Variants in EFHC2 observed in about 807,000 individuals in gnomAD.
EFHC2 encodes the protein EF-hand domain containing 2.
In EFHC2, 18 loss-of-function variants were observed where a neutral mutation model predicts 52.7. The observed-to-expected ratio is 0.34, with a 90% CI of 0.24 to 0.51. EFHC2 has a LOEUF of 0.51. Among genes scored for constraint, EFHC2 ranks in the 20% least tolerant of loss-of-function variants. The probability of loss-of-function intolerance (pLI) is 0.97; values close to 1 mark genes in which losing one functional copy is unlikely to be tolerated. For missense variants in EFHC2, 513 were observed against 562.5 expected, an observed-to-expected ratio of 0.91 and a Z score of 0.89; for synonymous variants, 203 against 204.1, an observed-to-expected ratio of 0.99 and a Z score of 0.04.
At chrX:44,183,934 A>G (rs1394042788) in intron 11 of EFHC2, among the ~76,000 whole-genome samples, 1 of 112,519 alleles carries the variant, frequency 8.9e-6, no homozygotes, top group African/African-American at 3.2e-5. Context: ...TTCTAGTCCC[A>G]CTAATTCACC....
intron 8 of EFHC2, among the ~76,000 whole-genome samples, chrX:44,238,413 C>T (rs1569290985): frequency 9.0e-6 from 1 of 111,658 alleles, no homozygotes; most frequent in Non-Finnish European, 1.9e-5. Context: ...AGTCTGCCCT[C>T]AACACTACAC....
chrX:44,198,631 G>C (rs1224229933), intron 11 of EFHC2, among the ~76,000 whole-genome samples: 6 of 111,355 alleles, frequency 5.4e-5, no homozygotes, highest in Non-Finnish European at 1.1e-4. Context: ...CCAACGCGAA[G>C]AGGTAGCTGA....
At chrX:44,332,238 G>C (rs1315119920) in intron 1 of EFHC2, among the ~76,000 whole-genome samples, 2 of 111,275 alleles carry the variant, frequency 1.8e-5, no homozygotes, top group Non-Finnish European at 3.8e-5. Flanking sequence ...GAATTTAACA[G>C]AACAGTATGT....
chrX:44,319,869 G>A (rs1256124149), intron 1 of EFHC2, among the ~76,000 whole-genome samples: 2 of 112,194 alleles, frequency 1.8e-5, no homozygotes, highest in African/African-American at 6.5e-5. Context: ...AAGTTTCACA[G>A]CCTCTGACCC....
At chrX:44,306,145 A>G (rs1001945955) in intron 2 of EFHC2, among the ~76,000 whole-genome samples, 1 of 110,972 alleles carries the variant, frequency 9.0e-6, no homozygotes, top group African/African-American at 3.3e-5. Flanking sequence ...ATCAGATCAC[A>G]CCTCATTACA....
At chrX:44,237,017 T>A (rs1381482553) in intron 8 of EFHC2, among the ~76,000 whole-genome samples, 1 of 111,193 alleles carries the variant, frequency 9.0e-6, no homozygotes, top group East Asian at 2.8e-4. Context: ...TATGCCTTTT[T>A]TTTTTCACCT....
intron 4 of EFHC2, among the ~76,000 whole-genome samples, chrX:44,255,805 A>T (rs2037487136): frequency 8.9e-6 from 1 of 111,885 alleles, no homozygotes; most frequent in Non-Finnish European, 1.9e-5. Context: ...CTCCACCCCA[A>T]ATCAACAGAG....
intron 11 of EFHC2, among the ~76,000 whole-genome samples, chrX:44,185,772 T>C (rs2036869602): frequency 9.0e-6 from 1 of 111,349 alleles, no homozygotes; most frequent in Admixed American, 9.6e-5. Flanking sequence ...GCTCAAGTGA[T>C]CCTCTCACTT....
chrX:44,214,272 A>G (rs2037125723), intron 11 of EFHC2, among the ~76,000 whole-genome samples: 1 of 112,327 alleles, frequency 8.9e-6, no homozygotes, highest in Non-Finnish European at 1.9e-5. Context: ...CGAAAACAAA[A>G]CAAACCAAAA....
At chrX:44,309,472 C>T (rs2037929262) in intron 2 of EFHC2, 2 of 1,202,073 alleles carry the variant, frequency 1.7e-6, no homozygotes, top group Non-Finnish European at 2.3e-6. Context: ...CTTGCTAAAA[C>T]CCAGTTCCAG....
At chrX:44,255,520 A>G (rs1457165915) in intron 4 of EFHC2, among the ~76,000 whole-genome samples, 1 of 111,889 alleles carries the variant, frequency 8.9e-6, no homozygotes, top group African/African-American at 3.3e-5. Context: ...ATCAAAAAAG[A>G]CAAAGAAGGG....
chrX:44,320,326 C>G (rs146502384), intron 1 of EFHC2, among the ~76,000 whole-genome samples: 11,649 of 111,379 alleles, frequency 0.1, 517 homozygotes, highest in Admixed American at 0.19. Context: ...ATGTGACCCT[C>G]AGGACCTGTG....
chrX:44,281,871 A>G (rs1159021244), intron 2 of EFHC2, among the ~76,000 whole-genome samples: 1 of 111,933 alleles, frequency 8.9e-6, no homozygotes, highest in African/African-American at 3.2e-5. Context: ...TCACTCTAAG[A>G]AACTGTCAGA....
chrX:44,183,608 A>G (rs983746838), intron 11 of EFHC2, among the ~76,000 whole-genome samples: 1 of 112,129 alleles, frequency 8.9e-6, no homozygotes, highest in African/African-American at 3.2e-5. Flanking sequence ...AGGCCTAACT[A>G]GAGTTTAATG....
chrX:44,179,649 G>T (rs1335680325), intron 11 of EFHC2, among the ~76,000 whole-genome samples: 3 of 111,637 alleles, frequency 2.7e-5, no homozygotes, highest in Admixed American at 1.9e-4. Context: ...GTTTAAATTT[G>T]GTTTTGCTTT....
At chrX:44,167,995 A>C (rs1335232726) in intron 13 of EFHC2, among the ~76,000 whole-genome samples, 3 of 111,860 alleles carry the variant, frequency 2.7e-5, no homozygotes, top group Non-Finnish European at 1.9e-5. Flanking sequence ...AAAAAAGACC[A>C]CGGTAGAGAA....
chrX:44,309,639 C>G, intron 2 of EFHC2: 1 of 1,140,306 alleles, frequency 8.8e-7, no homozygotes, highest in Non-Finnish European at 1.2e-6. Flanking sequence ...GTTTGTGTAC[C>G]AGGTGTTTGA....
intron 1 of EFHC2, among the ~76,000 whole-genome samples, chrX:44,332,754 G>A (rs1341133061): frequency 9.0e-6 from 1 of 111,059 alleles, no homozygotes; most frequent in Non-Finnish European, 1.9e-5. Context: ...CAATAAGAGA[G>A]AGAAAACTAT....
At chrX:44,248,478 G>A (rs2037417184) in intron 6 of EFHC2, 68 bp from the exon 7 acceptor site, 2 of 1,070,452 alleles carry the variant, frequency 1.9e-6, no homozygotes, top group Admixed American at 3.4e-5. Flanking sequence ...CCCCTTCCCA[G>A]AGAAAAAAAG....
Sources: gnomAD v4.1 joint callset for allele counts (sites outside exome capture counted in the v4.1 genomes callset) on GRCh38, gnomAD v4.1.1 for gene constraint, MANE v1.5 for transcripts, NCBI Gene and HGNC (gene_info 2026-07-23, HGNC 2026-07-21) for gene names.